Variants in SAE1 observed in about 807,000 individuals in gnomAD.
The protein encoded by SAE1 is SUMO-activating enzyme subunit 1.
A neutral mutation model predicts 40.6 loss-of-function variants in SAE1; 11 were observed. That is an observed-to-expected ratio of 0.27 (90% CI 0.17 to 0.45). The LOEUF (loss-of-function observed/expected upper bound fraction) is 0.45, where lower values mean the gene tolerates loss of function less well. SAE1 is among the 20% of genes least tolerant of loss of function. The pLI is 1.00. For synonymous variants in SAE1, 155 were observed against 154.3 expected, an observed-to-expected ratio of 1.00 and a Z score of -0.03; for missense variants, 373 against 427.3, an observed-to-expected ratio of 0.87 and a Z score of 1.12.
chr19:47,159,952 C>T (rs2058348868), intron 5 of SAE1, among the ~76,000 whole-genome samples: 1 of 152,170 alleles, frequency 6.6e-6, no homozygotes, highest in African/African-American at 2.4e-5. Context: ...CTTTGGCCTC[C>T]CAAAGTACTG....
chr19:47,206,327 C>G (rs1456076440), intron 8 of SAE1, among the ~76,000 whole-genome samples: 1 of 152,200 alleles, frequency 6.6e-6, no homozygotes, highest in Non-Finnish European at 1.5e-5. Context: ...CTCCTTCATA[C>G]TTATTACTGG....
At chr19:47,194,975 C>G (rs144338694) in intron 6 of SAE1, among the ~76,000 whole-genome samples, 2 of 150,862 alleles carry the variant, frequency 1.3e-5, no homozygotes. Context: ...TAACTTCTGA[C>G]CTCGTGATCT....
intron 1 of SAE1, among the ~76,000 whole-genome samples, chr19:47,137,722 TG>T (rs2058190106): frequency 2.9e-5 from 4 of 138,420 alleles, no homozygotes; most frequent in East Asian, 4.1e-4. Context: ...TGTGTGTGTG[TG>T]TGTGTTGTTT....
chr19:47,167,096 T>C (rs918608572), intron 5 of SAE1, among the ~76,000 whole-genome samples: 1 of 151,850 alleles, frequency 6.6e-6, no homozygotes, highest in Non-Finnish European at 1.5e-5. Context: ...GGATTACAGG[T>C]GCCTGCCACC....
chr19:47,164,752 G>A (rs940558809), intron 5 of SAE1, among the ~76,000 whole-genome samples: 2 of 144,708 alleles, frequency 1.4e-5, no homozygotes, highest in South Asian at 2.2e-4. Flanking sequence ...AGGTTCAAGC[G>A]ATTCTCCTGC....
rs550552651 is a variant in SAE1 at position 47,152,254 on chromosome 19, C to T, written c.385-644C>T. On this transcript the variant is annotated intron_variant, in intron 3 of 8. Transcript: ENST00000270225. ...ATACCTCAACTTACTGGAATACAAC[C>T]TGGAGGCCCCAGAGCAACACTGATA... Among the ~76,000 whole-genome samples, 4 of 152,310 alleles carry T rather than the reference C, an allele frequency of 2.6e-5. No individual in the cohort carries two copies. The East Asian group carries it at 7.7e-4, about 29-fold the overall frequency.
chr19:47,136,757 T>TG (rs757361599), intron 1 of SAE1, among the ~76,000 whole-genome samples: 19 of 152,196 alleles, frequency 1.2e-4, no homozygotes, highest in Non-Finnish European at 1.8e-4. Context: ...CCCAAAGTGC[T>TG]GGGATTACAG....
chr19:47,154,668 G>A (rs2058309779), intron 4 of SAE1, among the ~76,000 whole-genome samples: 1 of 151,502 alleles, frequency 6.6e-6, no homozygotes, highest in Non-Finnish European at 1.5e-5. Context: ...CTAGTTTTTT[G>A]TATTTTTAGT....
chr19:47,174,734 G>A (rs1469132881), intron 6 of SAE1, among the ~76,000 whole-genome samples: 4 of 151,818 alleles, frequency 2.6e-5, no homozygotes, highest in East Asian at 1.9e-4. Flanking sequence ...CACCATGCCC[G>A]GCTAATTTTT....
At chr19:47,142,618 G>C (rs556514805) in intron 1 of SAE1, 1 of 152,242 alleles carries the variant, frequency 6.6e-6, no homozygotes, top group South Asian at 2.1e-4. Flanking sequence ...GCATGTAAGA[G>C]CCTTCATGAT....
chr19:47,202,350 C>A (rs919586231), intron 7 of SAE1, among the ~76,000 whole-genome samples: 1 of 151,656 alleles, frequency 6.6e-6, no homozygotes, highest in Non-Finnish European at 1.5e-5. Flanking sequence ...TGTAGTTGTG[C>A]GATCTCAGCT....
intron 5 of SAE1, among the ~76,000 whole-genome samples, chr19:47,166,383 G>A (rs920319499): frequency 3.3e-5 from 5 of 152,136 alleles, no homozygotes; most frequent in African/African-American, 2.4e-5. Flanking sequence ...TGAAGAAGGC[G>A]AGTTTGTCAA....
At chr19:47,187,228 C>T (rs1381600635) in intron 6 of SAE1, among the ~76,000 whole-genome samples, 3 of 152,136 alleles carry the variant, frequency 2.0e-5, no homozygotes, top group African/African-American at 7.2e-5. Flanking sequence ...AGTGTCCCTA[C>T]CTCCTCCCCC....
intron 1 of SAE1, among the ~76,000 whole-genome samples, chr19:47,141,141 A>G (rs933669970): frequency 4.6e-4 from 70 of 152,166 alleles, no homozygotes; most frequent in African/African-American, 1.6e-3. Flanking sequence ...AACTGGGACT[A>G]CAGGCGCCTG....
chr19:47,180,055 A>G (rs1345957105), intron 6 of SAE1: 1 of 395,542 alleles, frequency 2.5e-6, no homozygotes, highest in Non-Finnish European at 5.1e-6. Context: ...AATTGAAGTT[A>G]TCTGGATGAA....
chr19:47,148,474 A>G (rs1439283709), intron 2 of SAE1, among the ~76,000 whole-genome samples: 5 of 152,062 alleles, frequency 3.3e-5, no homozygotes, highest in Non-Finnish European at 7.4e-5. Context: ...CTTTGAGAGC[A>G]GTATGGAATC....
intron 1 of SAE1, among the ~76,000 whole-genome samples, chr19:47,139,680 C>A (rs1476035391): frequency 6.7e-6 from 1 of 148,698 alleles, no homozygotes; most frequent in Non-Finnish European, 1.5e-5. Flanking sequence ...GCTACACCTT[C>A]CGGGTTCACA....
intron 6 of SAE1, among the ~76,000 whole-genome samples, chr19:47,189,220 A>G (rs1312913015): frequency 6.6e-6 from 1 of 152,196 alleles, no homozygotes; most frequent in Non-Finnish European, 1.5e-5. Flanking sequence ...GGAGTGGAGC[A>G]GATTACCAGG....
chr19:47,160,154 A>G (rs1197705380), intron 5 of SAE1, among the ~76,000 whole-genome samples: 1 of 151,724 alleles, frequency 6.6e-6, no homozygotes, highest in Non-Finnish European at 1.5e-5. Flanking sequence ...AAATATTTAG[A>G]AGTAAGTCAC....
Sources: allele counts gnomAD v4.1 joint callset (sites outside exome capture counted in the v4.1 genomes callset), GRCh38; gene constraint gnomAD v4.1.1; transcripts MANE v1.5; gene names NCBI Gene and HGNC (gene_info 2026-07-23, HGNC 2026-07-21).